Variants in KIF26B observed in about 807,000 individuals in gnomAD.
The protein encoded by KIF26B is kinesin-like protein KIF26B.
Under a neutral mutation model 151.2 loss-of-function variants are expected in KIF26B, and 63 were observed. The ratio of observed to expected loss-of-function variants is 0.42; its 90% CI spans 0.34 to 0.51. The LOEUF (loss-of-function observed/expected upper bound fraction) is 0.51. KIF26B is among the 20% of genes least tolerant of loss of function. The pLI, the probability that KIF26B is intolerant of heterozygous loss-of-function variation, is 0.07. For synonymous variants in KIF26B, 1,357 were observed against 1,262.1 expected (o/e 1.08, Z -1.59); for missense variants, 2,813 against 2,913.6 (o/e 0.97, Z 0.79).
chr1:245,688,431 G>T lies in KIF26B; in HGVS notation c.5448G>T (p.Ala1816=). 7.2e-7 allele frequency: 1 copy of T among 1,395,872 alleles called. No homozygotes were observed. Among genetic ancestry groups the T allele is most frequent in the Non-Finnish European group, 9.2e-7 (1 of 1,082,156 alleles). The allele number at this position is 1,395,872 out of a possible 1,614,324, so 86.5% of individuals were successfully genotyped here. A position where few individuals can be genotyped will look rare whatever the true frequency, so the allele number is the denominator to read the frequency against. The change falls in exon 12 of 15, where the codon GCG becomes GCT. Residue 1816 remains alanine (A), a synonymous_variant. Transcript: ENST00000407071. ...TCTCGGAGCTGCTGCAGGGTGGCGC[G>T]GGCGCCCGGGGCTTGCAGCTGCGGG... ...GRISELLQGG[A]GARGLQLRAG... is the part of the protein sequence containing the mutation.
At chr1:245,290,086 T>C (rs771380971) in intron 2 of KIF26B, among the ~76,000 whole-genome samples, 14 of 152,194 alleles carry the variant, frequency 9.2e-5, no homozygotes, top group Non-Finnish European at 1.9e-4. Context: ...CCTCTTTTAC[T>C]TGGGGTCAGG....
chr1:245,200,087 A>G (rs1466720778), intron 2 of KIF26B, among the ~76,000 whole-genome samples: 1 of 152,192 alleles, frequency 6.6e-6, no homozygotes, highest in African/African-American at 2.4e-5. Context: ...TAACACCCAC[A>G]AGGAATGCAC....
At chr1:245,360,649 A>G (rs755894823) in intron 2 of KIF26B, among the ~76,000 whole-genome samples, 2 of 152,108 alleles carry the variant, frequency 1.3e-5, no homozygotes, top group Non-Finnish European at 2.9e-5. Flanking sequence ...AACCTCCCAT[A>G]CCCTTAACCA....
At position 245,686,378 on chromosome 1, in the gene KIF26B, G is replaced by A; in HGVS notation, c.3395G>A (p.Ser1132Asn). 2 of 1,613,420 alleles carry A rather than the reference G, an allele frequency of 1.2e-6. No individual in the cohort carries two copies. The highest frequency in any genetic ancestry group is 1.7e-6 in the Non-Finnish European group (2 of 1,179,882). The change falls in exon 12 of 15, where the codon AGC becomes AAC. Residue 1132 changes from serine (S) to asparagine (N), a missense_variant. Around this residue, in one of 3 missense-constraint regions of KIF26B, gnomAD observed 2,060 missense variants for 2,088.6 expected, o/e 0.99. Coordinates refer to ENST00000407071, the MANE Select transcript of KIF26B (RefSeq NM_018012.4). This position sits in a 1 kb window ranked among gnomAD's most constrained non-coding sequence, Gnocchi z 5.6. ...PEVRTPPVGMSPQVLKKSMSA... is the reference protein window; with the variant it reads ...PEVRTPPVGMNPQVLKKSMSA... ...GTGCGTACGCCCCCGGTTGGAATGA[G>A]CCCCCAGGTTTTGAAAAAATCCATG...
In KIF26B at chr1:245,170,400, G is replaced by GTGGGAA. The variant is rs540581498; in HGVS notation, c.465+13720_465+13725dup. Among the ~76,000 whole-genome samples the GTGGGAA allele has an allele frequency of 1.6e-3, 251 of 152,302 alleles. 1 individual carries two copies. Among genetic ancestry groups the GTGGGAA allele is most frequent in the African/African-American group, 5.9e-3 (246 of 41,566 alleles). Reference sequence around the variant, plus strand: ...TTCTACCCTTGCAGAATAAAGACATGTGGGAATGCTCACTGGATGCTTACA... The same window carrying GTGGGAA: ...TTCTACCCTTGCAGAATAAAGACATGTGGGAATGGGAATGCTCACTGGATGCTTACA... On this transcript the variant is annotated intron_variant, in intron 2 of 14. Transcript: ENST00000407071. The surrounding 1 kb of genome is among the most constrained non-coding windows in gnomAD (Gnocchi z 4.4).
intron 4 of KIF26B, among the ~76,000 whole-genome samples, chr1:245,474,887 T>A (rs373085882): frequency 3.3e-5 from 5 of 151,822 alleles, no homozygotes; most frequent in African/African-American, 1.2e-4. Flanking sequence ...CGTGTGATAT[T>A]TGTCTTTCTG....
At chr1:245,283,543 A>G (rs1671103701) in intron 2 of KIF26B, among the ~76,000 whole-genome samples, 5 of 152,122 alleles carry the variant, frequency 3.3e-5, no homozygotes, top group Admixed American at 3.3e-4. Flanking sequence ...CTTGGGCTGT[A>G]GGCAGTCTGG....
At chr1:245,335,963 AGTCCCACGCAGGGAAAGGAGG>A (rs1395415259) in intron 2 of KIF26B, among the ~76,000 whole-genome samples, 19 of 81,724 alleles carry the variant, frequency 2.3e-4, no homozygotes, top group Admixed American at 4.5e-4. Flanking sequence ...GGGAAAGGAG[AGTCCCACGCAGGGAAAGGAGG>A]GTCCCACGCA....
chr1:245,672,457 G>A (rs1393160396), intron 10 of KIF26B, among the ~76,000 whole-genome samples: 1 of 152,196 alleles, frequency 6.6e-6, no homozygotes, highest in Non-Finnish European at 1.5e-5. Context: ...TCCGGACAGG[G>A]TGATGTTACC....
rs1660488047 is a variant in KIF26B at position 245,495,166 on chromosome 1, G to C, written c.1167-45601G>C. ...TTAGATTTAGTACAAGACAGATTCAGTGAAATGGAATGCAAATCAGTTGAA... is the reference window on the plus strand; with the variant it reads ...TTAGATTTAGTACAAGACAGATTCACTGAAATGGAATGCAAATCAGTTGAA... On this transcript the variant is annotated intron_variant, in intron 4 of 14. Transcript: ENST00000407071. This position sits in a 1 kb window ranked among gnomAD's most constrained non-coding sequence, Gnocchi z 4.2. Among the ~76,000 whole-genome samples, 1 of 152,194 alleles carries C rather than the reference G, an allele frequency of 6.6e-6. No individual in the cohort carries two copies. The highest frequency in any genetic ancestry group is 1.5e-5 in the Non-Finnish European group (1 of 68,042).
chr1:245,508,250 G>C (rs1474232112), intron 4 of KIF26B, among the ~76,000 whole-genome samples: 1 of 151,932 alleles, frequency 6.6e-6, no homozygotes, highest in Admixed American at 6.6e-5. Context: ...CTTTTTTATT[G>C]TTGTTGTTGA....
chr1:245,373,227 A>T (rs901744703), intron 3 of KIF26B, among the ~76,000 whole-genome samples: 5 of 152,182 alleles, frequency 3.3e-5, no homozygotes, highest in African/African-American at 1.2e-4. Context: ...TATCTCAGGG[A>T]TGCACTACAA....
At chr1:245,506,407 C>T (rs1572096407) in intron 4 of KIF26B, among the ~76,000 whole-genome samples, 1 of 152,228 alleles carries the variant, frequency 6.6e-6, no homozygotes, top group African/African-American at 2.4e-5. Flanking sequence ...TTAATTCCAT[C>T]ATCATTTATA....
chr1:245,412,360 A>C (rs593881), intron 3 of KIF26B, among the ~76,000 whole-genome samples: 1 of 152,018 alleles, frequency 6.6e-6, no homozygotes, highest in Non-Finnish European at 1.5e-5. Flanking sequence ...ATTAAATGTC[A>C]TTAATTAAAG....
At chr1:245,555,810 C>T (rs974067697) in intron 5 of KIF26B, among the ~76,000 whole-genome samples, 6 of 152,122 alleles carry the variant, frequency 3.9e-5, no homozygotes, top group African/African-American at 9.7e-5. Flanking sequence ...CCGTATTTAC[C>T]GAGCATTGAC....
At chr1:245,467,861 T>C (rs564502745) in intron 4 of KIF26B, among the ~76,000 whole-genome samples, 2 of 149,158 alleles carry the variant, frequency 1.3e-5, no homozygotes, top group South Asian at 4.4e-4. Context: ...TGCCACTGCA[T>C]TCCAGCCTGG....
Position 245,318,066 on chromosome 1 carries a change from A to T in KIF26B, c.466-48768A>T, listed in dbSNP as rs1037342546. Among the ~76,000 whole-genome samples, 3 of 152,200 alleles carry T rather than the reference A, an allele frequency of 2.0e-5. No individual in the cohort carries two copies. Among genetic ancestry groups the T allele is most frequent in the Non-Finnish European group, 4.4e-5 (3 of 68,040 alleles). Reference sequence around the variant, plus strand: ...TCTCTCCAGAGGCACCCTCGTTTAGAAGCATAGATGATGCAAAAACATGGT... The same window carrying T: ...TCTCTCCAGAGGCACCCTCGTTTAGTAGCATAGATGATGCAAAAACATGGT... On this transcript the variant is annotated intron_variant, in intron 2 of 14. Coordinates refer to ENST00000407071, the MANE Select transcript of KIF26B (RefSeq NM_018012.4). This position sits in a 1 kb window ranked among gnomAD's most constrained non-coding sequence, Gnocchi z 4.0.
At chr1:245,211,275 G>C (rs1222378747) in intron 2 of KIF26B, among the ~76,000 whole-genome samples, 1 of 152,168 alleles carries the variant, frequency 6.6e-6, no homozygotes, top group African/African-American at 2.4e-5. Context: ...AGTCATGGCA[G>C]TAGAAAGTCT....
At chr1:245,696,406 A>G in intron 12 of KIF26B, among the ~76,000 whole-genome samples, 1 of 152,164 alleles carries the variant, frequency 6.6e-6, no homozygotes, top group East Asian at 1.9e-4. Context: ...GTGCAGCCCT[A>G]GCTGACAGCT....
Sources: allele counts gnomAD v4.1 joint callset (sites outside exome capture counted in the v4.1 genomes callset), GRCh38; gene constraint gnomAD v4.1.1; regional missense constraint gnomAD v4.1.1; non-coding constraint Gnocchi (gnomAD v3.1); transcripts MANE v1.5; gene names NCBI Gene and HGNC (gene_info 2026-07-23, HGNC 2026-07-21).